RHOBTB2: variants seen among roughly 807,000 people sequenced by gnomAD.
The protein encoded by RHOBTB2 is rho-related BTB domain-containing protein 2.
RHOBTB2 carries 39 observed loss-of-function variants against 66.5 expected under a neutral mutation model. The ratio of observed to expected loss-of-function variants is 0.59; its 90% confidence interval spans 0.45 to 0.77. RHOBTB2 has a LOEUF of 0.77. Among genes scored for constraint, RHOBTB2 ranks in the 30% least tolerant of loss-of-function variants. RHOBTB2 has a pLI of 0.00. For missense variants in RHOBTB2, 755 were observed against 999.1 expected (o/e 0.76, Z 3.29); for synonymous variants, 390 against 395.0 (o/e 0.99, Z 0.15).
At chr8:22,955,599 T>C in the RHOBTB2 span, among the ~76,000 whole-genome samples, 1 of 143,642 alleles carries the variant, frequency 7.0e-6, no homozygotes, top group African/African-American at 2.6e-5. Flanking sequence ...AGACAAGGTC[T>C]CTCTCTGTCA....
chr8:23,006,984 G>T lies in RHOBTB2; in HGVS notation c.739G>T (p.Asp247Tyr). The T allele has an allele frequency of 6.2e-7, 1 of 1,610,226 alleles. No individual in the cohort carries two copies. ...ACCGCCCCCGATCATCGTGGTGCCCGACCCTCCCTCCAGCAGCGAGGAGTG... is the reference window on the plus strand; with the variant it reads ...ACCGCCCCCGATCATCGTGGTGCCCTACCCTCCCTCCAGCAGCGAGGAGTG... ...KPPPPIIVVP[D>Y]PPSSSEECPA... Residue 247 changes from aspartate (D) to tyrosine (Y), a missense_variant, in exon 5 of 10, where the codon GAC becomes TAC. By Grantham distance (160) the Asp-to-Tyr change is radical. This residue lies in a region of RHOBTB2 where 247 missense variants were observed against 238.9 expected (regional missense o/e 1.03). Transcript: ENST00000251822. The surrounding 1 kb of genome is among the most constrained non-coding windows in gnomAD (Gnocchi z 6.1).
At chr8:22,996,898 T>C (rs142756960), upstream of RHOBTB2, among the ~76,000 whole-genome samples, 441 of 152,208 alleles carry the variant, frequency 2.9e-3, 1 homozygote, top group African/African-American at 9.9e-3. Context: ...TGAAGGGACG[T>C]GCCAGATCCT....
intron 2 of RHOBTB2, among the ~76,000 whole-genome samples, chr8:22,993,044 C>T (rs1051792839): frequency 1.3e-5 from 2 of 152,250 alleles, no homozygotes; most frequent in Non-Finnish European, 2.9e-5. Context: ...GCCGGGAGGA[C>T]CCCACTGTCA....
chr8:22,982,558 G>A (rs1161239392), upstream of RHOBTB2, among the ~76,000 whole-genome samples: 1 of 152,192 alleles, frequency 6.6e-6, no homozygotes, highest in East Asian at 1.9e-4. Flanking sequence ...GGAGGCAGAT[G>A]TTGCAGTGAG....
rs1398557557 is a variant in RHOBTB2, at chr8:23,007,598, T to C, written c.1353T>C (p.Ile451=). Residue 451 remains isoleucine, a synonymous_variant, in exon 5 of 10, where the codon ATT becomes ATC. Transcript: ENST00000251822. ...GTGACCTCATGCACATTGCCCACAT[T>C]GCTGAGCTGCTCGAGGTCTTTGATC... is the stretch of plus-strand genomic sequence containing the variant. ...NERDLMHIAH[I]AELLEVFDLR... 1 of 1,614,028 alleles carries C rather than the reference T, an allele frequency of 6.2e-7. No homozygotes were observed. The highest frequency in any genetic ancestry group is 8.5e-7 in the Non-Finnish European group (1 of 1,180,002).
At chr8:22,979,834 T>A in the RHOBTB2 span, among the ~76,000 whole-genome samples, 658 of 142,992 alleles carry the variant, frequency 4.6e-3, 8 homozygotes, top group Middle Eastern at 0.029. Context: ...CGCAGCTCAC[T>A]GCAACCTCTG....
chr8:22,985,494 GA>G (rs1396617135), upstream of RHOBTB2, among the ~76,000 whole-genome samples: 1 of 152,230 alleles, frequency 6.6e-6, no homozygotes, highest in Non-Finnish European at 1.5e-5. Context: ...AGTGTTTATA[GA>G]TAAGAGAGCA....
At chr8:22,985,390 A>T (rs967530605), upstream of RHOBTB2, among the ~76,000 whole-genome samples, 22 of 152,222 alleles carry the variant, frequency 1.4e-4, no homozygotes, top group Admixed American at 3.9e-4. Flanking sequence ...TCTTTAACTT[A>T]TCGGAGAGGA....
chr8:22,967,602 TAAA>T, the RHOBTB2 span, among the ~76,000 whole-genome samples: 2,243 of 57,654 alleles, frequency 0.039, 45 homozygotes, highest in African/African-American at 0.11. Flanking sequence ...AAACTCTGTC[TAAA>T]AAAAAAAAAA....
At chr8:23,000,173 C>T in intron 1 of RHOBTB2, 68 bp downstream of exon 1, 1 of 961,646 alleles carries the variant, frequency 1.0e-6, no homozygotes. Context: ...CCGCTCCGCC[C>T]TCCCTGCCCT....
Position 23,007,730 on chromosome 8 carries a change from A to C in RHOBTB2, c.1485A>C (p.Ala495=), listed in dbSNP as rs960359874. ...RRTNRVKECL[A]KGTFSDVTFI... ...CCAACCGGGTTAAGGAGTGCTTGGC[A>C]AAAGGCACCTTCTCAGGTATGGAAC... Residue 495 remains alanine, a synonymous_variant, in exon 5 of 10, where the codon GCA becomes GCC. Transcript: ENST00000251822. 1 of 1,613,476 alleles carries C rather than the reference A, an allele frequency of 6.2e-7. No homozygotes were observed. The highest frequency in any genetic ancestry group is 8.5e-7 in the Non-Finnish European group (1 of 1,179,598).
Position 23,017,373 on chromosome 8 carries a change from G to T in RHOBTB2, c.2088G>T (p.Gln696His). The T allele has an allele frequency of 6.2e-7, 1 of 1,614,188 alleles. No homozygotes were observed. Among genetic ancestry groups the T allele is most frequent in the South Asian group, 1.1e-5 (1 of 91,086 alleles). Reference sequence around the variant, plus strand: ...AGGACTACCTCCACCTCAAGCGGCAGCCCAAACGGCGTTGGCTCTTCTGGA... The same window carrying T: ...AGGACTACCTCCACCTCAAGCGGCATCCCAAACGGCGTTGGCTCTTCTGGA... The part of the protein sequence containing the change: ...EKEDYLHLKR[Q>H]PKRRWLFWNS... The change falls in exon 10 of 10, where the codon CAG (glutamine) becomes CAT (histidine). Residue 696 changes from glutamine (Q) to histidine (H), a missense_variant. Physicochemically the swap from Gln to His is conservative, Grantham distance 24. Around this residue, in one of 7 missense-constraint regions of RHOBTB2, gnomAD observed 353 missense variants for 458.2 expected, o/e 0.77. Transcript: ENST00000251822. The surrounding 1 kb of genome is among the most constrained non-coding windows in gnomAD (Gnocchi z 5.3).
intron 7 of RHOBTB2, 95 bp from the exon 8 acceptor site, chr8:23,014,595 T>G (rs1191704769): frequency 1.7e-6 from 2 of 1,183,508 alleles, no homozygotes; most frequent in Non-Finnish European, 2.5e-6. Context: ...GGGCCCTGGT[T>G]TTCCTCACCC....
the RHOBTB2 span, among the ~76,000 whole-genome samples, chr8:22,959,465 G>T: frequency 6.6e-6 from 1 of 152,164 alleles, no homozygotes; most frequent in East Asian, 1.9e-4. Flanking sequence ...TGTTGGTCAG[G>T]CTGGTCTCCA....
Position 22,999,560 on chromosome 8 carries a change from G to A in RHOBTB2, c.-556G>A. On this transcript the variant is annotated 5_prime_UTR_variant, in exon 1 of 10. Coordinates refer to ENST00000251822, the MANE Select transcript of RHOBTB2 (RefSeq NM_015178.3). The stretch of plus-strand genomic sequence containing the variant: ...CGCGGCAGTGGGCGGGGCCCGTCAC[G>A]GCTGTCGTCTTGGGTGCGATTTTTT... 8.3e-7 allele frequency: 1 copy of A among 1,198,554 alleles called. No individual in the cohort carries two copies. The highest frequency in any genetic ancestry group is 1.5e-5 in the South Asian group (1 of 68,392). The allele number at this position is 1,198,554 out of a possible 1,614,324, so 74.2% of individuals were successfully genotyped here.
intron 2 of RHOBTB2, among the ~76,000 whole-genome samples, chr8:22,992,980 G>C (rs2430805): frequency 0.14 from 20,870 of 152,076 alleles, 1,821 homozygotes; most frequent in South Asian, 0.25. Flanking sequence ...CCCACTTGGA[G>C]CAGCTCTGCC....
At chr8:22,992,547 C>T (rs1810450994) in intron 2 of RHOBTB2, among the ~76,000 whole-genome samples, 1 of 152,164 alleles carries the variant, frequency 6.6e-6, no homozygotes, top group South Asian at 2.1e-4. Flanking sequence ...CTCTTGTACC[C>T]TCTCTGCCTA....
At chr8:22,957,941 C>A in the RHOBTB2 span, among the ~76,000 whole-genome samples, 1 of 152,004 alleles carries the variant, frequency 6.6e-6, no homozygotes, top group African/African-American at 2.4e-5. Context: ...TTCTTCAGAC[C>A]CCCAATAAAT....
chr8:22,992,898 C>T (rs1032742970), intron 2 of RHOBTB2, among the ~76,000 whole-genome samples: 1 of 152,216 alleles, frequency 6.6e-6, no homozygotes, highest in Non-Finnish European at 1.5e-5. Context: ...CAGGAGTCTG[C>T]ATGCCCACAC....
Sources: allele counts gnomAD v4.1 joint callset (sites outside exome capture counted in the v4.1 genomes callset), GRCh38; gene constraint gnomAD v4.1.1; regional missense constraint gnomAD v4.1.1; non-coding constraint Gnocchi (gnomAD v3.1); transcripts MANE v1.5; gene names NCBI Gene and HGNC (gene_info 2026-07-23, HGNC 2026-07-21).